The following ST6GALNAC5 variants were observed in gnomAD, a reference collection of about 807,000 sequenced individuals.
ST6GALNAC5 encodes the protein alpha-N-acetylgalactosaminide alpha-2,6-sialyltransferase 5.
A neutral mutation model predicts 33.6 loss-of-function variants in ST6GALNAC5; 27 were observed. The ratio of observed to expected loss-of-function variants is 0.80; its 90% CI spans 0.59 to 1.11. The LOEUF is 1.11. ST6GALNAC5 is among the 50% of genes least tolerant of loss of function. The pLI is 0.00. For synonymous variants in ST6GALNAC5, 194 were observed against 171.2 expected (o/e 1.13, Z -1.04); for missense variants, 428 against 454.0 (o/e 0.94, Z 0.52).
intron 2 of ST6GALNAC5, among the ~76,000 whole-genome samples, chr1:76,938,831 C>T (rs1422657812): frequency 2.6e-5 from 4 of 152,090 alleles, no homozygotes; most frequent in African/African-American, 7.2e-5. Context: ...GAGTGGACCC[C>T]CTTTATTACT....
chr1:76,914,274 T>G (rs1000541178), intron 2 of ST6GALNAC5, among the ~76,000 whole-genome samples: 3 of 152,012 alleles, frequency 2.0e-5, no homozygotes, highest in Non-Finnish European at 2.9e-5. Context: ...CCCAAGGTAA[T>G]TTACAGATTC....
At chr1:76,971,336 T>C (rs1301754162) in intron 2 of ST6GALNAC5, among the ~76,000 whole-genome samples, 1 of 152,160 alleles carries the variant, frequency 6.6e-6, no homozygotes, top group Non-Finnish European at 1.5e-5. Context: ...CAGTTCAGTA[T>C]AGCTACCCCC....
chr1:77,016,955 T>C (rs1374657463), intron 2 of ST6GALNAC5, among the ~76,000 whole-genome samples: 1 of 152,032 alleles, frequency 6.6e-6, no homozygotes, highest in Non-Finnish European at 1.5e-5. Flanking sequence ...ACATGAGCAA[T>C]TTAAAAGGAA....
chr1:76,961,759 C>T (rs1648249565), intron 2 of ST6GALNAC5, among the ~76,000 whole-genome samples: 1 of 152,168 alleles, frequency 6.6e-6, no homozygotes, highest in South Asian at 2.1e-4. Context: ...TCCTTGATTG[C>T]CCCTGTTAAA....
At chr1:76,911,125 C>G (rs1553165800) in intron 2 of ST6GALNAC5, among the ~76,000 whole-genome samples, 1 of 152,080 alleles carries the variant, frequency 6.6e-6, no homozygotes, top group Non-Finnish European at 1.5e-5. Flanking sequence ...CCATCAATAC[C>G]TAATTTATTG....
chr1:76,965,772 A>G, intron 2 of ST6GALNAC5, among the ~76,000 whole-genome samples: 1 of 152,148 alleles, frequency 6.6e-6, no homozygotes, highest in East Asian at 1.9e-4. Context: ...TCCATCTTGA[A>G]TTAATTTTTG....
intron 2 of ST6GALNAC5, among the ~76,000 whole-genome samples, chr1:76,935,889 G>A (rs574990634): frequency 3.9e-4 from 59 of 151,970 alleles, no homozygotes; most frequent in Non-Finnish European, 7.1e-4. Context: ...CTACTTCCAT[G>A]AGCTTACACT....
At chr1:76,876,737 C>A (rs1411000078) in intron 2 of ST6GALNAC5, among the ~76,000 whole-genome samples, 2 of 152,204 alleles carry the variant, frequency 1.3e-5, no homozygotes, top group Non-Finnish European at 2.9e-5. Flanking sequence ...TCACTGCTGT[C>A]CTTCAGGGAT....
At chr1:76,902,035 T>A (rs1290296042) in intron 2 of ST6GALNAC5, among the ~76,000 whole-genome samples, 1 of 152,078 alleles carries the variant, frequency 6.6e-6, no homozygotes, top group Non-Finnish European at 1.5e-5. Flanking sequence ...TATAAAATGA[T>A]ACATTGAGAT....
intron 2 of ST6GALNAC5, among the ~76,000 whole-genome samples, chr1:77,000,852 T>A (rs1008803945): frequency 6.6e-6 from 1 of 152,142 alleles, no homozygotes; most frequent in African/African-American, 2.4e-5. Flanking sequence ...TTGATCTATA[T>A]CTCTGTTTTG....
At chr1:77,026,839 A>ATG (rs1651258680) in intron 2 of ST6GALNAC5, among the ~76,000 whole-genome samples, 1 of 149,854 alleles carries the variant, frequency 6.7e-6, no homozygotes, top group Non-Finnish European at 1.5e-5. Context: ...GAATGAATGA[A>ATG]AATGTGTTAG....
intron 2 of ST6GALNAC5, among the ~76,000 whole-genome samples, chr1:77,016,548 C>T (rs751394937): frequency 5.9e-5 from 9 of 151,590 alleles, no homozygotes; most frequent in Non-Finnish European, 1.2e-4. Context: ...TGAAAGAAGG[C>T]CATATGGGCT....
At chr1:76,923,417 G>A (rs1647054432) in intron 2 of ST6GALNAC5, among the ~76,000 whole-genome samples, 2 of 152,144 alleles carry the variant, frequency 1.3e-5, no homozygotes, top group Admixed American at 1.3e-4. Flanking sequence ...CCACAGCCGA[G>A]CACTGTGGCT....
intron 2 of ST6GALNAC5, among the ~76,000 whole-genome samples, chr1:76,987,382 C>G (rs1649552087): frequency 6.6e-6 from 1 of 152,080 alleles, no homozygotes; most frequent in Non-Finnish European, 1.5e-5. Flanking sequence ...ATCCAAATCA[C>G]AGTGAGATAT....
chr1:76,894,587 C>T (rs1388464213), intron 2 of ST6GALNAC5, among the ~76,000 whole-genome samples: 2 of 152,108 alleles, frequency 1.3e-5, no homozygotes, highest in Non-Finnish European at 2.9e-5. Context: ...ATTGAGGTCA[C>T]AGTCAAAGAA....
chr1:77,065,192 A>C lies in ST6GALNAC5; in HGVS notation c.*1986A>C, dbSNP rs1652730915. On this transcript the variant is annotated 3_prime_UTR_variant, in exon 5 of 5. Coordinates refer to ENST00000477717, the MANE Select transcript of ST6GALNAC5 (RefSeq NM_030965.3). Reference sequence around the variant, plus strand: ...AATTTACTTATAGGCCACCTTTATAATCACTTGAAGACGTTATGTTGCTCA... The same window carrying C: ...AATTTACTTATAGGCCACCTTTATACTCACTTGAAGACGTTATGTTGCTCA... The C allele has an allele frequency of 6.6e-6, 1 of 152,194 alleles. No individual in the cohort carries two copies. The highest frequency in any genetic ancestry group is 2.1e-4 in the South Asian group (1 of 4,832). 9.4% of individuals were successfully genotyped at this position (152,194 alleles called of 1,614,324 possible). A position where few individuals can be genotyped will look rare whatever the true frequency, so the allele number is the denominator to read the frequency against.
intron 2 of ST6GALNAC5, among the ~76,000 whole-genome samples, chr1:76,918,403 A>T (rs1006466325): frequency 6.6e-6 from 1 of 152,128 alleles, no homozygotes; most frequent in East Asian, 1.9e-4. Context: ...GCGGATCACA[A>T]GGTCAAAAGA....
intron 2 of ST6GALNAC5, among the ~76,000 whole-genome samples, chr1:76,982,796 A>G (rs776657907): frequency 7.3e-5 from 11 of 151,100 alleles, no homozygotes; most frequent in Non-Finnish European, 1.5e-4. Flanking sequence ...GAAGCCCATC[A>G]GACTAACAGC....
At chr1:76,946,626 T>C (rs1570697234) in intron 2 of ST6GALNAC5, among the ~76,000 whole-genome samples, 2 of 152,134 alleles carry the variant, frequency 1.3e-5, no homozygotes, top group South Asian at 4.1e-4. Context: ...AATTGCCTTA[T>C]GAGCTTTTTC....
Sources: gnomAD v4.1 joint callset for allele counts (sites outside exome capture counted in the v4.1 genomes callset) on GRCh38, gnomAD v4.1.1 for gene constraint, MANE v1.5 for transcripts, NCBI Gene and HGNC (gene_info 2026-07-23, HGNC 2026-07-21) for gene names.